Variants in PPP4R1 observed in about 807,000 individuals in gnomAD.
PPP4R1 encodes serine/threonine-protein phosphatase 4 regulatory subunit 1.
Under a neutral mutation model 111.2 loss-of-function variants are expected in PPP4R1, and 42 were observed. The ratio of observed to expected loss-of-function variants is 0.38; its 90% confidence interval spans 0.29 to 0.49. The LOEUF is 0.49. Among genes scored for constraint, PPP4R1 ranks in the 20% least tolerant of loss-of-function variants. PPP4R1 has a pLI of 0.97. For synonymous variants in PPP4R1, 409 were observed against 405.5 expected, an observed-to-expected ratio of 1.01 and a Z score of -0.10; for missense variants, 1,012 against 1,161.6, an observed-to-expected ratio of 0.87 and a Z score of 1.87.
At chr18:9,578,841 G>A (rs2066980719) in intron 9 of PPP4R1, among the ~76,000 whole-genome samples, 1 of 152,078 alleles carries the variant, frequency 6.6e-6, no homozygotes, top group Admixed American at 6.5e-5. Flanking sequence ...TTCCATAAAA[G>A]GATAAAAGGT....
chr18:9,590,613 T>G (rs1236131442), intron 4 of PPP4R1, among the ~76,000 whole-genome samples: 2 of 152,080 alleles, frequency 1.3e-5, no homozygotes, highest in Non-Finnish European at 2.9e-5. Context: ...GACGCATGCA[T>G]GTACAGACAA....
At chr18:9,600,544 G>T (rs1258359087) in intron 2 of PPP4R1, among the ~76,000 whole-genome samples, 3 of 152,158 alleles carry the variant, frequency 2.0e-5, no homozygotes, top group Non-Finnish European at 4.4e-5. Flanking sequence ...GTTGAAAATA[G>T]TTTTTTAAAA....
At position 9,570,292 on chromosome 18, in the gene PPP4R1, GT is replaced by G; in HGVS notation, c.1437del (p.Lys479AsnfsTer32). 1 of 1,612,310 alleles carries G rather than the reference GT, an allele frequency of 6.2e-7. No individual in the cohort carries two copies. The highest frequency in any genetic ancestry group is 8.5e-7 in the Non-Finnish European group (1 of 1,179,320). On this transcript the variant is annotated frameshift_variant, in exon 11 of 20. Coordinates refer to ENST00000400556, the MANE Select transcript of PPP4R1 (RefSeq NM_001042388.3). LOFTEE classifies it high-confidence loss of function. ...TCTTCCTCTGGTCCCTCTGGGCTGG[GT>G]TTTCCCCCAGAGTTCTGTTCAAGCT... ...DIELEQNSGGKPSPEGPEEES... is the reference protein window; with the variant it reads ...DIELEQNSGGXPSPEGPEEES...
intron 15 of PPP4R1, 156 bp downstream of exon 15, chr18:9,557,065 A>C: frequency 1.6e-6 from 1 of 617,696 alleles, no homozygotes; most frequent in Non-Finnish European, 2.7e-6. Flanking sequence ...TAATTATGGG[A>C]CCATTTCTTT....
chr18:9,572,252 C>T (rs2066874149), intron 10 of PPP4R1, among the ~76,000 whole-genome samples: 1 of 151,858 alleles, frequency 6.6e-6, no homozygotes, highest in South Asian at 2.1e-4. Flanking sequence ...CTGACATATG[C>T]GGAGGCAACA....
intron 10 of PPP4R1, among the ~76,000 whole-genome samples, chr18:9,576,756 A>AG (rs2066942064): frequency 6.6e-6 from 1 of 152,060 alleles, no homozygotes; most frequent in African/African-American, 2.4e-5. Flanking sequence ...ATGATTGACT[A>AG]AATAATGTAC....
chr18:9,563,028 G>A (rs1242491488), intron 12 of PPP4R1: 5 of 1,028,676 alleles, frequency 4.9e-6, no homozygotes, highest in Non-Finnish European at 5.8e-6. Flanking sequence ...GAAATGGTCC[G>A]ATCAGAAACA....
chr18:9,552,326 C>A (rs1195927700), intron 16 of PPP4R1, among the ~76,000 whole-genome samples: 1 of 152,140 alleles, frequency 6.6e-6, no homozygotes, highest in Admixed American at 6.5e-5. Flanking sequence ...TAGGGAAATG[C>A]AAATCATACC....
At chr18:9,612,169 C>T (rs567817093) in intron 2 of PPP4R1, among the ~76,000 whole-genome samples, 2 of 152,232 alleles carry the variant, frequency 1.3e-5, no homozygotes, top group South Asian at 4.1e-4. Context: ...TCGCTGTTTA[C>T]CAGGAATTGT....
chr18:9,580,266 C>A (rs1335210243), intron 9 of PPP4R1, among the ~76,000 whole-genome samples: 3 of 151,776 alleles, frequency 2.0e-5, no homozygotes, highest in African/African-American at 7.3e-5. Flanking sequence ...TGGAAATGGC[C>A]CTAGGAGCAA....
intron 9 of PPP4R1, among the ~76,000 whole-genome samples, chr18:9,582,550 G>T (rs536023908): frequency 2.6e-5 from 4 of 152,026 alleles, no homozygotes; most frequent in Non-Finnish European, 5.9e-5. Flanking sequence ...TATCTACAAA[G>T]AAAAGCCCAG....
At chr18:9,583,753 ACTGT>A (rs2067070518) in intron 8 of PPP4R1, among the ~76,000 whole-genome samples, 1 of 152,038 alleles carries the variant, frequency 6.6e-6, no homozygotes, top group Non-Finnish European at 1.5e-5. Flanking sequence ...CATCTAATTT[ACTGT>A]CTATTCCTAA....
At chr18:9,596,307 C>T (rs7234968) in intron 2 of PPP4R1, among the ~76,000 whole-genome samples, 6,730 of 152,222 alleles carry the variant, frequency 0.044, 448 homozygotes, top group African/African-American at 0.14. Context: ...AAATCAGGGC[C>T]TTTCCCAAAG....
chr18:9,555,944 G>A (rs557823470), intron 15 of PPP4R1, among the ~76,000 whole-genome samples: 25 of 151,454 alleles, frequency 1.7e-4, no homozygotes, highest in Middle Eastern at 3.4e-3. Flanking sequence ...AGACCATCCT[G>A]GCCAACACGG....
At chr18:9,563,129 A>G in intron 12 of PPP4R1, 1 of 1,204,422 alleles carries the variant, frequency 8.3e-7, no homozygotes, top group Non-Finnish European at 1.0e-6. Context: ...AGTGAGCTAC[A>G]TTAACATTGA....
intron 10 of PPP4R1, among the ~76,000 whole-genome samples, chr18:9,573,520 G>T (rs1461209000): frequency 2.0e-5 from 3 of 152,184 alleles, no homozygotes; most frequent in Non-Finnish European, 4.4e-5. Flanking sequence ...TGTTCAGAAA[G>T]GGGGAAGAGA....
At chr18:9,573,814 G>A (rs1025973716) in intron 10 of PPP4R1, among the ~76,000 whole-genome samples, 3 of 152,102 alleles carry the variant, frequency 2.0e-5, no homozygotes, top group Non-Finnish European at 4.4e-5. Context: ...CTGCAAAAAT[G>A]AACGGAGAAT....
At chr18:9,615,956 T>C (rs1381469039), upstream of PPP4R1, among the ~76,000 whole-genome samples, 2 of 152,208 alleles carry the variant, frequency 1.3e-5, no homozygotes, top group Non-Finnish European at 2.9e-5. Flanking sequence ...ATAATCTGTA[T>C]GAAATTTCTA....
intron 10 of PPP4R1, among the ~76,000 whole-genome samples, chr18:9,573,277 G>A (rs1362034811): frequency 6.6e-6 from 1 of 151,956 alleles, no homozygotes; most frequent in Non-Finnish European, 1.5e-5. Flanking sequence ...TTTGGTAACT[G>A]GACTACAGTT....
Sources: gnomAD v4.1 joint callset for allele counts (sites outside exome capture counted in the v4.1 genomes callset) on GRCh38, gnomAD v4.1.1 for gene constraint, MANE v1.5 for transcripts, NCBI Gene and HGNC (gene_info 2026-07-23, HGNC 2026-07-21) for gene names.